TXNRD2: variants seen among roughly 807,000 people sequenced by gnomAD.
The protein encoded by TXNRD2 is thioredoxin reductase 2, also known as thioredoxin reductase 2, mitochondrial.
TXNRD2 carries 67 observed loss-of-function variants against 70.8 expected under a neutral mutation model. The ratio of observed to expected loss-of-function variants is 0.95; its 90% CI spans 0.78 to 1.16. TXNRD2 has a LOEUF of 1.16. TXNRD2 is among the 50% of genes most tolerant of loss of function. The pLI is 0.00. For synonymous variants in TXNRD2, 301 were observed against 295.8 expected (o/e 1.02, Z -0.18); for missense variants, 644 against 719.9 (o/e 0.89, Z 1.21).
intron 9 of TXNRD2, among the ~76,000 whole-genome samples, chr22:19,898,674 C>G (rs1270045449): frequency 6.6e-6 from 1 of 152,106 alleles, no homozygotes; most frequent in East Asian, 1.9e-4. Context: ...GCCACCGCGC[C>G]CGGCCAGGGA....
At chr22:19,899,431 G>T (rs939291071) in intron 8 of TXNRD2, among the ~76,000 whole-genome samples, 4 of 152,202 alleles carry the variant, frequency 2.6e-5, no homozygotes, top group African/African-American at 9.7e-5. Context: ...TTGGCAGGAT[G>T]GGGAGGCCAC....
intron 14 of TXNRD2, 126 bp from the exon 15 acceptor site, chr22:19,878,563 G>A: frequency 1.1e-6 from 1 of 913,428 alleles, no homozygotes; most frequent in Non-Finnish European, 1.8e-6. Context: ...CTGGCCTGAA[G>A]GTCTGGTCTG....
chr22:19,899,309 C>A lies in TXNRD2; in HGVS notation c.663-241G>T, dbSNP rs558712272. Among the ~76,000 whole-genome samples, 108 of 152,312 alleles carry A rather than the reference C, an allele frequency of 7.1e-4. No individual in the cohort carries two copies. In the South Asian group the frequency reaches 0.02, roughly 28 times the overall value. Reference sequence around the variant, plus strand: ...GCGTGTGTGTCAGTGACAAGTGGTACCTGTCCCCTGGAAGGCACCCGGAGG... The same window carrying A: ...GCGTGTGTGTCAGTGACAAGTGGTAACTGTCCCCTGGAAGGCACCCGGAGG... On this transcript the variant is annotated intron_variant, in intron 8 of 17. Coordinates refer to ENST00000400521, the MANE Select transcript of TXNRD2 (RefSeq NM_006440.5).
At chr22:19,892,600 G>A (rs1344527374) in intron 11 of TXNRD2, among the ~76,000 whole-genome samples, 1 of 152,248 alleles carries the variant, frequency 6.6e-6, no homozygotes. Flanking sequence ...GGCTTTCCGG[G>A]GACACAGCCC....
intron 7 of TXNRD2, among the ~76,000 whole-genome samples, chr22:19,914,473 T>C (rs115307801): frequency 1.2e-3 from 179 of 152,324 alleles, no homozygotes; most frequent in African/African-American, 4.0e-3. Flanking sequence ...GATGTTATGC[T>C]CAGTGAAGTA....
intron 2 of TXNRD2, among the ~76,000 whole-genome samples, chr22:19,927,519 A>G (rs1206796636): frequency 6.7e-6 from 1 of 148,388 alleles, no homozygotes; most frequent in African/African-American, 2.5e-5. Context: ...GTAGCTGGGC[A>G]TGGTGGCGCC....
At chr22:19,888,633 G>A (rs1161797495) in intron 11 of TXNRD2, among the ~76,000 whole-genome samples, 1 of 152,228 alleles carries the variant, frequency 6.6e-6, no homozygotes, top group African/African-American at 2.4e-5. Context: ...TGCGCCTGAG[G>A]ACGAGGGTGT....
chr22:19,936,749 C>G (rs1465162260), intron 1 of TXNRD2, among the ~76,000 whole-genome samples: 1 of 152,162 alleles, frequency 6.6e-6, no homozygotes, highest in African/African-American at 2.4e-5. Context: ...CTTTCTCACA[C>G]TCTTATACCA....
chr22:19,920,228 C>A (rs1247424237), intron 2 of TXNRD2, among the ~76,000 whole-genome samples: 1 of 152,212 alleles, frequency 6.6e-6, no homozygotes, highest in Non-Finnish European at 1.5e-5. Context: ...ACCCAGTTGC[C>A]CTCCCAGCCA....
intron 8 of TXNRD2, among the ~76,000 whole-genome samples, chr22:19,904,099 C>T (rs1939898100): frequency 6.6e-6 from 1 of 152,246 alleles, no homozygotes; most frequent in Non-Finnish European, 1.5e-5. Context: ...GGGTCCCCAC[C>T]AAGACTGGGA....
chr22:19,913,832 C>A (rs575695708), intron 7 of TXNRD2, among the ~76,000 whole-genome samples: 1 of 152,172 alleles, frequency 6.6e-6, no homozygotes, highest in Non-Finnish European at 1.5e-5. Flanking sequence ...CCCCTCCAAA[C>A]GCACACAGAG....
Position 19,911,073 on chromosome 22 carries a change from T to TA in TXNRD2, c.662+303dup, listed in dbSNP as rs56026782. 4.3e-3 allele frequency: 1,384 copies of TA among 325,052 alleles called. 3 individuals carry two copies. The highest frequency in any genetic ancestry group is 0.017 in the African/African-American group (708 of 42,794). 20.1% of individuals were successfully genotyped at this position (325,052 alleles called of 1,614,324 possible). A position where few individuals can be genotyped will look rare whatever the true frequency, so the allele number is the denominator to read the frequency against. On this transcript the variant is annotated intron_variant, in intron 8 of 17. Transcript: ENST00000400521. The stretch of plus-strand genomic sequence containing the variant: ...TTGGGGGACAGAGTGAGAATTCACC[T>TA]AAAAAAAAAAGCCAAAAAAAAAACC...
Position 19,878,128 on chromosome 22 carries a change from G to C in TXNRD2, c.1407C>G (p.Asn469Lys), listed in dbSNP as rs200063300. The C allele has an allele frequency of 1.5e-5, 25 of 1,613,512 alleles. No individual in the cohort carries two copies. The highest frequency in any genetic ancestry group is 2.2e-5 in the East Asian group (1 of 44,888). The change falls in exon 16 of 18, where the codon AAC becomes AAG. Residue 469 changes from asparagine (N) to lysine (K), a missense_variant. Physicochemically the swap from Asn to Lys is moderately conservative, Grantham distance 94 (BLOSUM62 0). Coordinates refer to ENST00000400521, the MANE Select transcript of TXNRD2 (RefSeq NM_006440.5). Reference protein sequence around the residue: ...LVLGLHFLGPNAGEVTQGFAL... With the variant: ...LVLGLHFLGPKAGEVTQGFAL... ...CAAATCCTTGAGTAACTTCGCCTGC[G>C]TTGGGGCCAAGGAAATGCAGGCCCA...
In TXNRD2 at chr22:19,915,980, G is replaced by A; in HGVS notation, c.450-137C>T. The A allele has an allele frequency of 4.0e-6, 3 of 758,140 alleles. No individual in the cohort carries two copies. In the South Asian group the frequency reaches 4.5e-5, roughly 11 times the overall value. The allele number at this position is 758,140 out of a possible 1,614,324, so 47.0% of individuals were successfully genotyped here. ...TGCTGTGGCTCAGATGGACCAAGAG[G>A]TAAGCGGCAACCATGCTGAGAAGCA... On this transcript the variant is annotated intron_variant, in intron 5 of 17. Transcript: ENST00000400521.
intron 14 of TXNRD2, among the ~76,000 whole-genome samples, chr22:19,879,275 G>A (rs1938646905): frequency 6.6e-6 from 1 of 152,170 alleles, no homozygotes; most frequent in Admixed American, 6.5e-5. Flanking sequence ...CATCCCCAAA[G>A]GCCGCAGGCC....
intron 2 of TXNRD2, among the ~76,000 whole-genome samples, chr22:19,930,260 G>A (rs1185079049): frequency 3.9e-5 from 6 of 152,088 alleles, no homozygotes; most frequent in Admixed American, 3.9e-4. Context: ...CAGCTTCAGG[G>A]CCAAAGTGCC....
chr22:19,907,115 C>T (rs184543178), intron 8 of TXNRD2, among the ~76,000 whole-genome samples: 403 of 102,588 alleles, frequency 3.9e-3, no homozygotes, highest in African/African-American at 0.015. Flanking sequence ...GTAGCAGTGA[C>T]GGCTCTCAGG....
rs5993858 is a variant in TXNRD2 at position 19,906,861 on chromosome 22, C to G, written c.662+4516G>C. On this transcript the variant is annotated intron_variant, in intron 8 of 17. Transcript: ENST00000400521. ...GTGACCACTCTCAGGAGAGTGTGGG[C>G]GCCGTGGGTAGCAGTGACCGCTCTC... 4.8e-3 allele frequency among the ~76,000 whole-genome samples: 679 copies of G among 142,670 alleles called. 4 individuals are homozygous for G. The highest frequency in any genetic ancestry group is 0.017 in the African/African-American group (655 of 38,146). 93.6% of individuals were successfully genotyped at this position (142,670 alleles called of 152,430 possible). A position where few individuals can be genotyped will look rare whatever the true frequency, so the allele number is the denominator to read the frequency against.
rs1938732155 is a variant in TXNRD2, at chr22:19,880,684, C to A, written c.1120G>T (p.Ala374Ser). Residue 374 changes from alanine (A) to serine (S), a missense_variant, in exon 13 of 18, where the codon GCC becomes TCC. Transcript: ENST00000400521. ...AGCCGCTGCACCAGGAGCCTCCCGGCCATGATCGCTATGGGTGTCAGCTCA... is the reference window on the plus strand; with the variant it reads ...AGCCGCTGCACCAGGAGCCTCCCGGACATGATCGCTATGGGTGTCAGCTCA... Reference protein sequence around the residue: ...RPELTPIAIMAGRLLVQRLFG... With the variant: ...RPELTPIAIMSGRLLVQRLFG... The A allele has an allele frequency of 6.2e-7, 1 of 1,613,232 alleles. No individual in the cohort carries two copies. The highest frequency in any genetic ancestry group is 1.3e-5 in the African/African-American group (1 of 74,912).
Sources: allele counts gnomAD v4.1 joint callset (sites outside exome capture counted in the v4.1 genomes callset), GRCh38; gene constraint gnomAD v4.1.1; transcripts MANE v1.5; gene names NCBI Gene and HGNC (gene_info 2026-07-23, HGNC 2026-07-21).